Variants in GAB3 observed in about 807,000 individuals in gnomAD.
The protein encoded by GAB3 is GRB2-associated-binding protein 3.
GAB3 carries 12 observed loss-of-function variants against 40.4 expected under a neutral mutation model. That is an observed-to-expected ratio of 0.30 (90% CI 0.19 to 0.48). The LOEUF is 0.48. Among genes scored for constraint, GAB3 ranks in the 20% least tolerant of loss-of-function variants. GAB3 has a pLI of 0.99. For synonymous variants in GAB3, 154 were observed against 176.7 expected, an observed-to-expected ratio of 0.87 and a Z score of 1.02; for missense variants, 381 against 461.9, an observed-to-expected ratio of 0.82 and a Z score of 1.61.
chrX:154,737,562 C>A (rs1250434330), intron 1 of GAB3, among the ~76,000 whole-genome samples: 1 of 111,648 alleles, frequency 9.0e-6, no homozygotes, highest in Non-Finnish European at 1.9e-5. Flanking sequence ...CAGCTCTAGA[C>A]AAATTTACCC....
chrX:154,708,044 G>GAATA (rs1369139341), intron 4 of GAB3, among the ~76,000 whole-genome samples: 1 of 111,750 alleles, frequency 8.9e-6, no homozygotes, highest in African/African-American at 3.3e-5. Flanking sequence ...CAAAAGAACA[G>GAATA]AATAGAGAGG....
chrX:154,716,683 C>T (rs781958634), intron 1 of GAB3, among the ~76,000 whole-genome samples: 1 of 112,374 alleles, frequency 8.9e-6, no homozygotes, highest in East Asian at 2.8e-4. Flanking sequence ...AGCTTTCTTA[C>T]TATTATGTAT....
intron 9 of GAB3, among the ~76,000 whole-genome samples, chrX:154,679,732 C>T (rs1262407329): frequency 9.0e-6 from 1 of 111,584 alleles, no homozygotes; most frequent in Non-Finnish European, 1.9e-5. Context: ...CATTCAAGGC[C>T]CCTTACTTCC....
intron 6 of GAB3, among the ~76,000 whole-genome samples, chrX:154,698,387 T>C (rs932653654): frequency 8.9e-6 from 1 of 112,294 alleles, no homozygotes; most frequent in East Asian, 2.8e-4. Context: ...GCAATACATA[T>C]GCAGCGCATG....
In GAB3 at chrX:154,737,680, C is replaced by T. The variant is rs1050489484; in HGVS notation, c.72+13274G>A. Among the ~76,000 whole-genome samples the T allele has an allele frequency of 4.5e-5, 5 of 112,225 alleles. No homozygotes were observed. The East Asian group carries it at 1.1e-3, about 25-fold the overall frequency. On this transcript the variant is annotated intron_variant, in intron 1 of 9. Coordinates refer to ENST00000424127, the MANE Select transcript of GAB3 (RefSeq NM_001081573.3). ...GCTCTTGCTCACAGTGTTTGTATGA[C>T]ATAGTCAGTGTCCAGAAAGATGTGG...
chrX:154,736,634 C>T lies in GAB3; in HGVS notation c.72+14320G>A, dbSNP rs143280400. On this transcript the variant is annotated intron_variant, in intron 1 of 9. Coordinates refer to ENST00000424127, the MANE Select transcript of GAB3 (RefSeq NM_001081573.3). ...TGCTAAGATCTTAAAGTCTTGTATC[C>T]GATTCACGGTAAAGGTTTAAGGTAT... Among the ~76,000 whole-genome samples, 855 of 112,041 alleles carry T rather than the reference C, an allele frequency of 7.6e-3. 8 individuals carry two copies. The highest frequency in any genetic ancestry group is 0.027 in the African/African-American group (819 of 30,801).
At chrX:154,748,263 G>A (rs1196295489) in intron 1 of GAB3, among the ~76,000 whole-genome samples, 2 of 111,642 alleles carry the variant, frequency 1.8e-5, no homozygotes, top group Admixed American at 9.5e-5. Context: ...CAAATTGCAG[G>A]ACCGTTAGTA....
chrX:154,695,811 T>C (rs1354616939), intron 8 of GAB3, 106 bp downstream of exon 8: 2 of 438,288 alleles, frequency 4.6e-6, no homozygotes, highest in Non-Finnish European at 7.8e-6. Context: ...AGTGGTTGTT[T>C]TAAAATTGCA....
intron 2 of GAB3, among the ~76,000 whole-genome samples, chrX:154,715,545 G>A (rs1480948010): frequency 1.8e-5 from 2 of 111,348 alleles, no homozygotes; most frequent in African/African-American, 6.5e-5. Flanking sequence ...CAGAGAACTT[G>A]AGACATTTGG....
intron 4 of GAB3, among the ~76,000 whole-genome samples, chrX:154,710,598 C>A (rs1557255623): frequency 3.6e-5 from 4 of 111,491 alleles, no homozygotes; most frequent in African/African-American, 1.3e-4. Flanking sequence ...CAAAAACGAA[C>A]CTTGACCTCA....
At chrX:154,735,998 A>C (rs781906103) in intron 1 of GAB3, among the ~76,000 whole-genome samples, 37 of 112,336 alleles carry the variant, frequency 3.3e-4, no homozygotes, top group Non-Finnish European at 2.6e-4. Flanking sequence ...GCTCTCTAAC[A>C]TGCAAGCAAA....
At chrX:154,732,005 G>A (rs781987241) in intron 1 of GAB3, among the ~76,000 whole-genome samples, 14 of 111,761 alleles carry the variant, frequency 1.3e-4, no homozygotes, top group African/African-American at 4.2e-4. Context: ...AAATCAGATC[G>A]TCTGCTTCGG....
chrX:154,750,101 C>T (rs1377052626), intron 1 of GAB3, among the ~76,000 whole-genome samples: 1 of 112,722 alleles, frequency 8.9e-6, no homozygotes, highest in Non-Finnish European at 1.9e-5. Flanking sequence ...CATCCAGCTA[C>T]TCCCAGCCTA....
intron 4 of GAB3, among the ~76,000 whole-genome samples, chrX:154,709,347 G>C (rs2070879422): frequency 1.0e-5 from 1 of 99,989 alleles, no homozygotes; most frequent in Admixed American, 1.1e-4. Flanking sequence ...TTGAGACGAA[G>C]TCTTGCTCTG....
intron 1 of GAB3, among the ~76,000 whole-genome samples, chrX:154,740,747 C>T (rs1308522476): frequency 1.8e-5 from 2 of 111,849 alleles, no homozygotes; most frequent in African/African-American, 6.5e-5. Flanking sequence ...TTCCTCTTCA[C>T]CATAACAGGA....
intron 9 of GAB3, chrX:154,679,048 T>C (rs1213860700): frequency 6.7e-6 from 2 of 298,420 alleles, no homozygotes; most frequent in African/African-American, 2.7e-5. Flanking sequence ...TACCAGCTAC[T>C]TGGGAGGCTG....
chrX:154,746,682 G>A (rs895873938), intron 1 of GAB3, among the ~76,000 whole-genome samples: 5 of 112,280 alleles, frequency 4.5e-5, no homozygotes, highest in Non-Finnish European at 5.6e-5. Flanking sequence ...GTCTGCTCTC[G>A]TCATTTCTAT....
At chrX:154,713,181 A>G (rs965019195) in intron 3 of GAB3, 26 bp downstream of exon 3, 2 of 1,153,331 alleles carry the variant, frequency 1.7e-6, no homozygotes, top group African/African-American at 3.6e-5. Flanking sequence ...GGCCCAGCTC[A>G]GACAGAGTCC....
chrX:154,744,900 T>C (rs868974592), intron 1 of GAB3, among the ~76,000 whole-genome samples: 1 of 112,669 alleles, frequency 8.9e-6, no homozygotes, highest in South Asian at 3.6e-4. Flanking sequence ...ATTCCAATAT[T>C]GGGAAATTAC....
Sources: gnomAD v4.1 joint callset for allele counts (sites outside exome capture counted in the v4.1 genomes callset) on GRCh38, gnomAD v4.1.1 for gene constraint, MANE v1.5 for transcripts, NCBI Gene and HGNC (gene_info 2026-07-23, HGNC 2026-07-21) for gene names.